Variants in PPARGC1A observed in about 807,000 individuals in gnomAD.
PPARGC1A encodes PPARG coactivator 1 alpha, also known as peroxisome proliferator-activated receptor gamma coactivator 1-alpha.
Under a neutral mutation model 88.7 loss-of-function variants are expected in PPARGC1A, and 25 were observed. That is an observed-to-expected ratio of 0.28 (90% CI 0.21 to 0.39). The LOEUF (loss-of-function observed/expected upper bound fraction) is 0.39, where lower values mean the gene tolerates loss of function less well. PPARGC1A is among the 10% of genes least tolerant of loss of function. The pLI, the probability that PPARGC1A is intolerant of heterozygous loss-of-function variation, is 1.00. For missense variants in PPARGC1A, 880 were observed against 968.7 expected (o/e 0.91, Z 1.22); for synonymous variants, 363 against 355.6 (o/e 1.02, Z -0.24).
At chr4:24,364,533 T>C in the PPARGC1A span, among the ~76,000 whole-genome samples, 5 of 152,166 alleles carry the variant, frequency 3.3e-5, no homozygotes, top group Non-Finnish European at 7.3e-5. Flanking sequence ...ACGCAGTTTT[T>C]CTCTAGTTCC....
the PPARGC1A span, among the ~76,000 whole-genome samples, chr4:24,302,016 G>A: frequency 2.6e-5 from 4 of 152,004 alleles, no homozygotes; most frequent in Non-Finnish European, 5.9e-5. Context: ...CTGCATGAGG[G>A]GCAGCCACCT....
the PPARGC1A span, among the ~76,000 whole-genome samples, chr4:24,324,955 T>C: frequency 3.9e-5 from 6 of 152,274 alleles, no homozygotes; most frequent in East Asian, 1.2e-3. Flanking sequence ...CCCTGTAATC[T>C]TTTTATCACC....
chr4:23,964,891 A>C, the PPARGC1A span, among the ~76,000 whole-genome samples: 2 of 152,172 alleles, frequency 1.3e-5, no homozygotes, highest in African/African-American at 4.8e-5. Flanking sequence ...GTGTTTTTCT[A>C]ATTGAGGAAA....
chr4:24,133,750 C>T, the PPARGC1A span, among the ~76,000 whole-genome samples: 2 of 152,160 alleles, frequency 1.3e-5, no homozygotes, highest in Admixed American at 1.3e-4. Context: ...CACAAGGGGA[C>T]ATTATTCAGC....
the PPARGC1A span, among the ~76,000 whole-genome samples, chr4:24,419,975 AAAAAG>A: frequency 2.0e-5 from 3 of 152,238 alleles, no homozygotes; most frequent in African/African-American, 7.2e-5. Context: ...ATTTTCAAAC[AAAAAG>A]AAAAGTGAAA....
chr4:24,413,209 A>AAGGGAGCT, the PPARGC1A span, among the ~76,000 whole-genome samples: 1 of 149,876 alleles, frequency 6.7e-6, no homozygotes, highest in Non-Finnish European at 1.5e-5. Context: ...TTTCCCCTTC[A>AAGGGAGCT]AGGGAGCTAA....
chr4:23,889,786 T>G (rs1030367261), intron 1 of PPARGC1A, 118 bp downstream of exon 1: 26 of 1,223,588 alleles, frequency 2.1e-5, no homozygotes, highest in Non-Finnish European at 2.5e-5. Context: ...TAAAAGCTCC[T>G]GCCTGGACTA....
At chr4:24,091,084 A>C in the PPARGC1A span, among the ~76,000 whole-genome samples, 2 of 152,200 alleles carry the variant, frequency 1.3e-5, no homozygotes, top group South Asian at 2.1e-4. Context: ...CTACCATAAC[A>C]CCATAAAGTA....
chr4:24,041,981 T>A, the PPARGC1A span, among the ~76,000 whole-genome samples: 1 of 152,072 alleles, frequency 6.6e-6, no homozygotes, highest in Non-Finnish European at 1.5e-5. Flanking sequence ...GTATATGGAA[T>A]CTTTAATTTT....
At chr4:24,002,769 C>T in the PPARGC1A span, among the ~76,000 whole-genome samples, 5 of 152,098 alleles carry the variant, frequency 3.3e-5, no homozygotes, top group Non-Finnish European at 7.4e-5. Flanking sequence ...TCATTAAATG[C>T]CACTGTTTCA....
At chr4:23,973,173 C>T in the PPARGC1A span, among the ~76,000 whole-genome samples, 3 of 151,646 alleles carry the variant, frequency 2.0e-5, no homozygotes, top group Non-Finnish European at 4.4e-5. Context: ...GCAGGAAGGG[C>T]AGGAAGAAGA....
the PPARGC1A span, among the ~76,000 whole-genome samples, chr4:24,379,746 TTTTA>T: frequency 1.3e-5 from 2 of 151,742 alleles, no homozygotes; most frequent in East Asian, 1.9e-4. Context: ...ATATGTGTGG[TTTTA>T]TTTCTTTCTT....
chr4:24,054,308 T>TAAAAAA, the PPARGC1A span, among the ~76,000 whole-genome samples: 100 of 134,888 alleles, frequency 7.4e-4, no homozygotes, highest in African/African-American at 2.7e-3. Context: ...ATCCTTCTTG[T>TAAAAAA]AAAAAAAAAA....
At chr4:24,322,194 C>T in the PPARGC1A span, among the ~76,000 whole-genome samples, 1 of 152,206 alleles carries the variant, frequency 6.6e-6, no homozygotes, top group Non-Finnish European at 1.5e-5. Context: ...TGCCCACATA[C>T]CAAATCTGAA....
At chr4:24,016,052 T>G in the PPARGC1A span, among the ~76,000 whole-genome samples, 41,777 of 152,086 alleles carry the variant, frequency 0.27, 5,981 homozygotes, top group African/African-American at 0.36. Flanking sequence ...GAGTGGTGCT[T>G]AGGCTGCAAT....
chr4:24,089,364 T>C, the PPARGC1A span, among the ~76,000 whole-genome samples: 1 of 152,284 alleles, frequency 6.6e-6, no homozygotes, highest in South Asian at 2.1e-4. Flanking sequence ...GGCAGACCTC[T>C]TGGGGATGTT....
chr4:24,070,787 A>C, the PPARGC1A span, among the ~76,000 whole-genome samples: 1 of 152,204 alleles, frequency 6.6e-6, no homozygotes, highest in Non-Finnish European at 1.5e-5. Context: ...TAAAAAGATA[A>C]TATTCTGTGA....
At chr4:23,875,080 C>G (rs1714420155) in intron 2 of PPARGC1A, among the ~76,000 whole-genome samples, 1 of 152,180 alleles carries the variant, frequency 6.6e-6, no homozygotes, top group African/African-American at 2.4e-5. Context: ...GTCTTCCCTG[C>G]TTGTACATTT....
At chr4:24,137,679 G>C in the PPARGC1A span, among the ~76,000 whole-genome samples, 1 of 152,170 alleles carries the variant, frequency 6.6e-6, no homozygotes, top group Non-Finnish European at 1.5e-5. Context: ...TGGGCATAGA[G>C]AATCGCTTCA....
Sources: gnomAD v4.1 joint callset for allele counts (sites outside exome capture counted in the v4.1 genomes callset) on GRCh38, gnomAD v4.1.1 for gene constraint, MANE v1.5 for transcripts, NCBI Gene and HGNC (gene_info 2026-07-23, HGNC 2026-07-21) for gene names.